VPS41: variants seen among roughly 807,000 people sequenced by gnomAD.
The protein encoded by VPS41 is VPS41 subunit of HOPS complex.
A neutral mutation model predicts 130.9 loss-of-function variants in VPS41; 85 were observed. The observed-to-expected ratio is 0.65, with a 90% CI of 0.55 to 0.78. The LOEUF is 0.78. VPS41 is among the 30% of genes least tolerant of loss of function. The pLI, the probability that VPS41 is intolerant of heterozygous loss-of-function variation, is 0.00. For missense variants in VPS41, 874 were observed against 1,018.7 expected (o/e 0.86, Z 1.93); for synonymous variants, 335 against 332.9 (o/e 1.01, Z -0.07).
rs909799894 is a variant in VPS41, at chr7:38,747,901, A to C, written c.1927-2288T>G. On this transcript the variant is annotated intron_variant, in intron 22 of 28. Coordinates refer to ENST00000310301, the MANE Select transcript of VPS41 (RefSeq NM_014396.4). Reference sequence around the variant, plus strand: ...CAAAAAGGAAGTCATGTGGGAAGAAATGTCTGAAGGTAAGCTGAAGTTAGG... The same window carrying C: ...CAAAAAGGAAGTCATGTGGGAAGAACTGTCTGAAGGTAAGCTGAAGTTAGG... Among the ~76,000 whole-genome samples the C allele has an allele frequency of 4.6e-5, 7 of 152,214 alleles. No homozygotes were observed. The South Asian group carries it at 1.4e-3, about 31-fold the overall frequency.
At chr7:38,760,218 G>C (rs1783883427) in intron 17 of VPS41, among the ~76,000 whole-genome samples, 1 of 151,970 alleles carries the variant, frequency 6.6e-6, no homozygotes, top group Non-Finnish European at 1.5e-5. Context: ...ACAATGTTTA[G>C]AACAAAAACA....
intron 7 of VPS41, 155 bp downstream of exon 7, chr7:38,817,662 C>T: frequency 1.4e-6 from 1 of 725,232 alleles, no homozygotes; most frequent in Non-Finnish European, 2.4e-6. Flanking sequence ...CCACAACTCC[C>T]CCAAGAGATG....
intron 2 of VPS41, among the ~76,000 whole-genome samples, chr7:38,889,566 A>C (rs1407668245): frequency 2.7e-5 from 4 of 149,838 alleles, no homozygotes; most frequent in Non-Finnish European, 4.4e-5. Context: ...AAACAAAAAA[A>C]AAAAAAAACC....
At chr7:38,832,582 T>C (rs1785412865) in intron 4 of VPS41, among the ~76,000 whole-genome samples, 1 of 152,172 alleles carries the variant, frequency 6.6e-6, no homozygotes, top group African/African-American at 2.4e-5. Context: ...ACATAGTATG[T>C]TCTGATATCT....
intron 7 of VPS41, among the ~76,000 whole-genome samples, chr7:38,811,573 C>T (rs1784943103): frequency 6.6e-6 from 1 of 151,478 alleles, no homozygotes; most frequent in African/African-American, 2.4e-5. Flanking sequence ...TATTATCACA[C>T]TTTTAAAAGA....
At chr7:38,903,488 G>A (rs1787188012) in intron 1 of VPS41, among the ~76,000 whole-genome samples, 1 of 152,156 alleles carries the variant, frequency 6.6e-6, no homozygotes, top group Non-Finnish European at 1.5e-5. Flanking sequence ...AAACTTTGCA[G>A]GAGGGCTCAC....
chr7:38,749,862 T>C (rs372074507), intron 22 of VPS41, among the ~76,000 whole-genome samples: 88 of 152,326 alleles, frequency 5.8e-4, no homozygotes, highest in African/African-American at 2.0e-3. Flanking sequence ...TTCTTTCTTA[T>C]TATTCTTTTT....
At chr7:38,902,245 A>G (rs926776872) in intron 1 of VPS41, among the ~76,000 whole-genome samples, 5 of 152,174 alleles carry the variant, frequency 3.3e-5, no homozygotes, top group Non-Finnish European at 7.4e-5. Flanking sequence ...TCCAGCCTGA[A>G]GAATAGCTTT....
intron 4 of VPS41, among the ~76,000 whole-genome samples, chr7:38,858,012 G>A (rs1228654466): frequency 6.6e-6 from 1 of 152,184 alleles, no homozygotes; most frequent in Non-Finnish European, 1.5e-5. Context: ...AGGAGTACCT[G>A]GGTTACGATA....
chr7:38,791,944 C>T (rs1022529172), intron 9 of VPS41, among the ~76,000 whole-genome samples: 3 of 152,170 alleles, frequency 2.0e-5, no homozygotes, highest in Non-Finnish European at 4.4e-5. Context: ...AGTCTTCCAA[C>T]ACTCAGACAC....
At position 38,795,501 on chromosome 7, in the gene VPS41, A is replaced by C; in HGVS notation, c.681T>G (p.Asn227Lys). ...MYPCSLCWKD[N>K]VTLIIGWGTS... ...TCCCCCAGCCAATAATCAGTGTCACATTGTCCTTCCAGCAGAGGCTGCAGG... is the reference window on the plus strand; with the variant it reads ...TCCCCCAGCCAATAATCAGTGTCACCTTGTCCTTCCAGCAGAGGCTGCAGG... The change falls in exon 9 of 29, where the codon AAT becomes AAG. Residue 227 changes from asparagine (N) to lysine (K), a missense_variant. Asn to Lys is a moderately conservative substitution (Grantham distance 94). Transcript: ENST00000310301. 1 of 1,613,452 alleles carries C rather than the reference A, an allele frequency of 6.2e-7. No individual in the cohort carries two copies. The highest frequency in any genetic ancestry group is 8.5e-7 in the Non-Finnish European group (1 of 1,179,622).
chr7:38,838,594 T>C (rs934759336), intron 4 of VPS41, among the ~76,000 whole-genome samples: 1 of 152,182 alleles, frequency 6.6e-6, no homozygotes, highest in Admixed American at 6.5e-5. Context: ...GCTGACACTA[T>C]AGAACATACA....
intron 2 of VPS41, among the ~76,000 whole-genome samples, chr7:38,884,360 T>A (rs185246971): frequency 2.4e-4 from 36 of 152,346 alleles, no homozygotes; most frequent in Admixed American, 2.2e-3. Flanking sequence ...TATTTGTCAG[T>A]CCACTTGGTT....
At chr7:38,859,223 A>G (rs10242978) in intron 4 of VPS41, among the ~76,000 whole-genome samples, 49,152 of 151,918 alleles carry the variant, frequency 0.32, 8,556 homozygotes, top group Admixed American at 0.53. Context: ...TATAAAGTCA[A>G]AAGTTTTAAA....
intron 4 of VPS41, among the ~76,000 whole-genome samples, chr7:38,845,610 C>T (rs1199998841): frequency 1.3e-5 from 2 of 152,198 alleles, no homozygotes; most frequent in African/African-American, 4.8e-5. Context: ...CCCAAGATGT[C>T]TTGAATGGTT....
At chr7:38,859,997 G>A (rs1349079627) in intron 4 of VPS41, among the ~76,000 whole-genome samples, 2 of 152,120 alleles carry the variant, frequency 1.3e-5, no homozygotes, top group Non-Finnish European at 2.9e-5. Flanking sequence ...TGAAATCTGA[G>A]TATTAATATA....
intron 9 of VPS41, among the ~76,000 whole-genome samples, chr7:38,794,099 T>TA (rs1481881635): frequency 3.9e-5 from 6 of 152,216 alleles, no homozygotes; most frequent in Non-Finnish European, 7.3e-5. Context: ...TTCTACAGGC[T>TA]AATTTTCCTT....
At chr7:38,736,480 A>G (rs1352108725) in intron 25 of VPS41, among the ~76,000 whole-genome samples, 1 of 152,274 alleles carries the variant, frequency 6.6e-6, no homozygotes, top group East Asian at 1.9e-4. Flanking sequence ...AAGCCAGAAC[A>G]GGAGCCCACG....
At chr7:38,737,520 A>G (rs1256066982) in intron 25 of VPS41, among the ~76,000 whole-genome samples, 2 of 152,240 alleles carry the variant, frequency 1.3e-5, no homozygotes, top group Non-Finnish European at 2.9e-5. Flanking sequence ...TGTAGGAGGC[A>G]GAGCAGCACC....
Sources: gnomAD v4.1 joint callset for allele counts (sites outside exome capture counted in the v4.1 genomes callset) on GRCh38, gnomAD v4.1.1 for gene constraint, MANE v1.5 for transcripts, NCBI Gene and HGNC (gene_info 2026-07-23, HGNC 2026-07-21) for gene names.